The following GYPC variants were observed in gnomAD, a reference collection of about 807,000 sequenced individuals.
GYPC encodes the protein glycophorin C (Gerbich blood group).
GYPC carries 14 observed loss-of-function variants against 12.6 expected under a neutral mutation model. The ratio of observed to expected loss-of-function variants is 1.11; its 90% CI spans 0.74 to 1.74. GYPC has a LOEUF of 1.74. GYPC is among the 40% of genes most tolerant of loss of function. GYPC has a pLI of 0.00. For missense variants in GYPC, 225 were observed against 172.1 expected, an observed-to-expected ratio of 1.31 and a Z score of -1.72; for synonymous variants, 78 against 62.1, an observed-to-expected ratio of 1.26 and a Z score of -1.20.
At chr2:126,686,467 A>T in intron 1 of GYPC, 1 of 985,550 alleles carries the variant, frequency 1.0e-6, no homozygotes, top group South Asian at 4.7e-5. Flanking sequence ...CCCATGGATG[A>T]AAAGCCACTC....
chr2:126,664,455 A>G (rs61662576), intron 1 of GYPC, among the ~76,000 whole-genome samples: 2,978 of 152,186 alleles, frequency 0.02, 112 homozygotes, highest in East Asian at 0.13. Flanking sequence ...TTCCCCCTCT[A>G]CATTGAAAGC....
rs981403247 is a variant in GYPC at position 126,656,427 on chromosome 2, T to G, written c.49+115T>G. On this transcript the variant is annotated intron_variant, in intron 1 of 3. Coordinates refer to ENST00000259254, the MANE Select transcript of GYPC (RefSeq NM_002101.5). Reference sequence around the variant, plus strand: ...CTGGTGTCCCGGTCCGTGCCGGGCCTCCAGGCGGAGGAGGCGTCCGCTGGG... The same window carrying G: ...CTGGTGTCCCGGTCCGTGCCGGGCCGCCAGGCGGAGGAGGCGTCCGCTGGG... The G allele has an allele frequency of 3.4e-6, 3 of 892,948 alleles. No individual in the cohort carries two copies. In the East Asian group the frequency reaches 8.9e-5, roughly 26 times the overall value. The allele number at this position is 892,948 out of a possible 1,614,324, so 55.3% of individuals were successfully genotyped here.
intron 1 of GYPC, among the ~76,000 whole-genome samples, chr2:126,683,911 G>A (rs1358746772): frequency 6.6e-6 from 1 of 152,106 alleles, no homozygotes; most frequent in Non-Finnish European, 1.5e-5. Context: ...TCTTCTCCAG[G>A]GCAGAGAGGC....
chr2:126,695,170 T>C (rs558245762), intron 3 of GYPC, among the ~76,000 whole-genome samples: 9 of 152,128 alleles, frequency 5.9e-5, no homozygotes, highest in Admixed American at 2.0e-4. Context: ...CCAAGCACAG[T>C]TAATAGCCTC....
chr2:126,686,562 G>A, intron 1 of GYPC: 1 of 984,526 alleles, frequency 1.0e-6, no homozygotes. Flanking sequence ...TTCAGCAGTT[G>A]TCATTCAGTG....
intron 1 of GYPC, among the ~76,000 whole-genome samples, chr2:126,668,829 C>G (rs555724256): frequency 6.6e-6 from 1 of 152,330 alleles, no homozygotes; most frequent in East Asian, 1.9e-4. Flanking sequence ...TGGCTGCCCT[C>G]AAAGCCTTGT....
chr2:126,695,364 G>A (rs1332696258), intron 3 of GYPC, among the ~76,000 whole-genome samples: 1 of 152,160 alleles, frequency 6.6e-6, no homozygotes, highest in East Asian at 1.9e-4. Context: ...GAAAAGGGAG[G>A]GAAGGAAGGA....
chr2:126,693,061 C>T (rs1286319106), intron 2 of GYPC, among the ~76,000 whole-genome samples: 2 of 152,082 alleles, frequency 1.3e-5, no homozygotes, highest in Non-Finnish European at 2.9e-5. Flanking sequence ...GTGGTTTGAC[C>T]CTGCAAAAGC....
intron 1 of GYPC, among the ~76,000 whole-genome samples, chr2:126,672,596 A>G (rs1337248306): frequency 2.0e-5 from 3 of 152,128 alleles, no homozygotes; most frequent in Non-Finnish European, 4.4e-5. Context: ...AGCAGGGAGA[A>G]TGTGCATGGA....
chr2:126,694,040 G>C (rs765937847), intron 3 of GYPC, 93 bp downstream of exon 3: 1 of 877,552 alleles, frequency 1.1e-6, no homozygotes, highest in Admixed American at 1.8e-5. Flanking sequence ...CTTGGGCAGT[G>C]GTGGCTGTGG....
chr2:126,665,871 A>T (rs573428733), intron 1 of GYPC, among the ~76,000 whole-genome samples: 2 of 152,290 alleles, frequency 1.3e-5, no homozygotes, highest in African/African-American at 4.8e-5. Context: ...TGATTTCCCC[A>T]GTGCTTCCCT....
rs74887939 is a variant in GYPC, at chr2:126,687,853, A to G, written c.50-2402A>G. ...AGATTTGAGTACAAGGTCCCTAACCAGAAGCCAAGAAATGCACCCCAAGTT... is the reference window on the plus strand; with the variant it reads ...AGATTTGAGTACAAGGTCCCTAACCGGAAGCCAAGAAATGCACCCCAAGTT... On this transcript the variant is annotated intron_variant, in intron 1 of 3. Transcript: ENST00000259254. 8.8e-3 allele frequency among the ~76,000 whole-genome samples: 1,344 copies of G among 152,324 alleles called. 10 individuals carry two copies. Among genetic ancestry groups the G allele is most frequent in the Non-Finnish European group, 0.013 (894 of 68,026 alleles).
intron 2 of GYPC, among the ~76,000 whole-genome samples, chr2:126,692,436 G>A (rs1683499776): frequency 6.6e-6 from 1 of 152,092 alleles, no homozygotes. Flanking sequence ...AGCTGCACTG[G>A]GGAGAATGAC....
intron 2 of GYPC, among the ~76,000 whole-genome samples, chr2:126,693,089 TC>T (rs1371799376): frequency 6.6e-6 from 1 of 152,142 alleles, no homozygotes; most frequent in African/African-American, 2.4e-5. Flanking sequence ...GAAATCTGAT[TC>T]CCAAGGTGGC....
rs1000458237 is a variant in GYPC, at chr2:126,696,229, A to T, written c.*87A>T. On this transcript the variant is annotated 3_prime_UTR_variant, in exon 4 of 4. Transcript: ENST00000259254. ...ATCGCCCAGCACCCCTGCTGATACC[A>T]CCAGACAGAGAGAGAGAGCACTTGA... is the stretch of plus-strand genomic sequence containing the variant. The T allele has an allele frequency of 7.4e-6, 7 of 943,594 alleles. No individual in the cohort carries two copies. The highest frequency in any genetic ancestry group is 3.3e-5 in the African/African-American group (2 of 61,408). The allele number at this position is 943,594 out of a possible 1,614,324, so 58.5% of individuals were successfully genotyped here. A position where few individuals can be genotyped will look rare whatever the true frequency, so the allele number is the denominator to read the frequency against.
intron 1 of GYPC, among the ~76,000 whole-genome samples, chr2:126,685,621 G>C (rs780433683): frequency 1.3e-5 from 2 of 152,072 alleles, no homozygotes; most frequent in South Asian, 4.2e-4. Flanking sequence ...CTGACCTCAG[G>C]TGTTCCACCC....
At chr2:126,663,228 T>A (rs538846774) in intron 1 of GYPC, among the ~76,000 whole-genome samples, 3 of 151,988 alleles carry the variant, frequency 2.0e-5, no homozygotes, top group Non-Finnish European at 1.5e-5. Flanking sequence ...AGTAGAGATG[T>A]GGTTTCACCT....
intron 1 of GYPC, chr2:126,686,223 C>T: frequency 1.0e-6 from 1 of 985,466 alleles, no homozygotes; most frequent in African/African-American, 1.7e-5. Flanking sequence ...GACCCCTGCT[C>T]TCCGTCCACA....
intron 1 of GYPC, among the ~76,000 whole-genome samples, chr2:126,677,311 G>T (rs890116289): frequency 2.0e-5 from 3 of 151,226 alleles, no homozygotes; most frequent in Non-Finnish European, 2.9e-5. Flanking sequence ...GTGTGAGTGT[G>T]TGTGAGAATG....
Sources: gnomAD v4.1 joint callset for allele counts (sites outside exome capture counted in the v4.1 genomes callset) on GRCh38, gnomAD v4.1.1 for gene constraint, MANE v1.5 for transcripts, NCBI Gene and HGNC (gene_info 2026-07-23, HGNC 2026-07-21) for gene names.